EFCAB8: variants seen among roughly 807,000 people sequenced by gnomAD.
EFCAB8 encodes the protein EF-hand calcium-binding domain-containing protein 8.
EFCAB8 carries 100 observed loss-of-function variants against 116.3 expected under a neutral mutation model. That is an observed-to-expected ratio of 0.86 (90% confidence interval 0.73 to 1.02). The LOEUF (loss-of-function observed/expected upper bound fraction) is 1.02, where lower values mean the gene tolerates loss of function less well. Among genes scored for constraint, EFCAB8 ranks in the 50% least tolerant of loss-of-function variants. EFCAB8 has a pLI of 0.00. For synonymous variants in EFCAB8, 558 were observed against 567.9 expected (o/e 0.98, Z 0.25); for missense variants, 1,320 against 1,416.9 (o/e 0.93, Z 1.10).
At chr20:32,869,702 G>A (rs1026202429) in intron 3 of EFCAB8, among the ~76,000 whole-genome samples, 22 of 152,164 alleles carry the variant, frequency 1.4e-4, no homozygotes, top group Admixed American at 1.4e-3. Context: ...CACAGTATGG[G>A]GGCTGCTTAA....
chr20:32,940,827 C>G (rs560541981), intron 22 of EFCAB8, among the ~76,000 whole-genome samples: 1 of 150,060 alleles, frequency 6.7e-6, no homozygotes, highest in Non-Finnish European at 1.5e-5. Context: ...TGGTGAACAT[C>G]ATTAGCTATC....
At chr20:32,953,621 T>C (rs1217431918) in intron 23 of EFCAB8, among the ~76,000 whole-genome samples, 2 of 152,228 alleles carry the variant, frequency 1.3e-5, no homozygotes, top group Non-Finnish European at 2.9e-5. Flanking sequence ...CCATTGTATA[T>C]CATCTTTGGA....
intron 1 of EFCAB8, among the ~76,000 whole-genome samples, chr20:32,861,541 G>A (rs897740954): frequency 2.0e-5 from 3 of 152,004 alleles, no homozygotes; most frequent in East Asian, 1.9e-4. Context: ...CGTCTGCCTC[G>A]GCCTCCCAAA....
At chr20:32,890,154 C>T (rs556172924) in intron 7 of EFCAB8, among the ~76,000 whole-genome samples, 2 of 152,278 alleles carry the variant, frequency 1.3e-5, no homozygotes, top group South Asian at 4.1e-4. Context: ...TCTGTGAGGC[C>T]TTCAGAGGTC....
At chr20:32,890,342 C>T (rs1317800640) in intron 7 of EFCAB8, among the ~76,000 whole-genome samples, 1 of 152,200 alleles carries the variant, frequency 6.6e-6, no homozygotes, top group Non-Finnish European at 1.5e-5. Context: ...AAGTTACTTC[C>T]TCCAGGAAGC....
chr20:32,860,858 C>G (rs1394407870), intron 1 of EFCAB8, among the ~76,000 whole-genome samples: 3 of 151,982 alleles, frequency 2.0e-5, no homozygotes, highest in Admixed American at 2.0e-4. Flanking sequence ...CCCATCTCAC[C>G]CTCTTGAGTA....
intron 3 of EFCAB8, among the ~76,000 whole-genome samples, chr20:32,871,533 C>G (rs1436186704): frequency 2.0e-5 from 3 of 152,040 alleles, no homozygotes; most frequent in African/African-American, 7.3e-5. Context: ...TTACCTCTTG[C>G]TTTTTACTGA....
chr20:32,921,106 A>G (rs190592794), intron 20 of EFCAB8, among the ~76,000 whole-genome samples: 2 of 152,302 alleles, frequency 1.3e-5, no homozygotes, highest in East Asian at 3.9e-4. Context: ...CTTGAGAACA[A>G]GAGGGCAGTG....
At position 32,877,398 on chromosome 20, in the gene EFCAB8, G is replaced by A. The variant is rs186579088; in HGVS notation, c.328-1306G>A. ...TAATTTTTGTATTTTTAGTAGAAACGGGGTTTCACCATGTTGGCCAGGCTG... is the reference window on the plus strand; with the variant it reads ...TAATTTTTGTATTTTTAGTAGAAACAGGGTTTCACCATGTTGGCCAGGCTG... On this transcript the variant is annotated intron_variant, in intron 4 of 26. Coordinates refer to ENST00000400522, the MANE Select transcript of EFCAB8 (RefSeq NM_001143967.2). Among the ~76,000 whole-genome samples the A allele has an allele frequency of 1.8e-3, 278 of 151,706 alleles. 1 individual carries two copies. The highest frequency in any genetic ancestry group is 6.2e-3 in the African/African-American group (256 of 41,426).
chr20:32,920,002 C>T, intron 19 of EFCAB8, 76 bp from the exon 20 acceptor site: 1 of 1,541,842 alleles, frequency 6.5e-7, no homozygotes, highest in East Asian at 2.4e-5. Flanking sequence ...CTTTTATCAT[C>T]TTCCTCTGGT....
intron 22 of EFCAB8, among the ~76,000 whole-genome samples, chr20:32,936,491 A>G (rs994819270): frequency 1.3e-5 from 2 of 152,070 alleles, no homozygotes; most frequent in African/African-American, 4.8e-5. Flanking sequence ...GATTTTTTAT[A>G]CTGTGTGAGA....
chr20:32,873,920 T>TTTTA (rs886118144), intron 3 of EFCAB8, among the ~76,000 whole-genome samples: 9 of 151,964 alleles, frequency 5.9e-5, no homozygotes, highest in African/African-American at 1.7e-4. Context: ...TTCGTTTTTA[T>TTTTA]TTTATTTATT....
At chr20:32,873,553 G>C (rs886147695) in intron 3 of EFCAB8, among the ~76,000 whole-genome samples, 2 of 151,016 alleles carry the variant, frequency 1.3e-5, no homozygotes, top group African/African-American at 2.4e-5. Flanking sequence ...TTTATATTTT[G>C]ATAATTGCTT....
chr20:32,947,635 G>A (rs1988636660), intron 23 of EFCAB8, among the ~76,000 whole-genome samples: 1 of 152,040 alleles, frequency 6.6e-6, no homozygotes, highest in African/African-American at 2.4e-5. Flanking sequence ...AGGGAAATTA[G>A]AAAATATTTT....
chr20:32,900,272 C>T lies in EFCAB8; in HGVS notation c.1088+1649C>T, dbSNP rs1041426657. Among the ~76,000 whole-genome samples the T allele has an allele frequency of 5.9e-5, 9 of 152,256 alleles. No homozygotes were observed. The East Asian group carries it at 7.7e-4, about 13-fold the overall frequency. ...CTCCTCATTTTACAGATGGGAAACC[C>T]GAAGCTTAGGGAGGGGAAGTGACTG... On this transcript the variant is annotated intron_variant, in intron 11 of 26. Coordinates refer to ENST00000400522, the MANE Select transcript of EFCAB8 (RefSeq NM_001143967.2).
intron 11 of EFCAB8, among the ~76,000 whole-genome samples, 181 bp downstream of exon 11, chr20:32,898,804 A>G (rs767647323): frequency 6.6e-6 from 1 of 152,136 alleles, no homozygotes; most frequent in Non-Finnish European, 1.5e-5. Context: ...CTCCCAATCT[A>G]TATGCAAAAC....
chr20:32,934,007 C>A (rs1295332304), intron 22 of EFCAB8, among the ~76,000 whole-genome samples: 1 of 125,526 alleles, frequency 8.0e-6, no homozygotes. Flanking sequence ...CAAAGCAAAT[C>A]AAAAACTTTT....
At chr20:32,911,389 T>G in intron 15 of EFCAB8, 91 bp from the exon 16 acceptor site, 1 of 1,164,102 alleles carries the variant, frequency 8.6e-7, no homozygotes, top group Non-Finnish European at 1.2e-6. Context: ...TCTCAGTGGA[T>G]GGAGGGGAGG....
chr20:32,910,738 CTTTTTTTTTT>C (rs34185318), intron 15 of EFCAB8, among the ~76,000 whole-genome samples: 3 of 107,308 alleles, frequency 2.8e-5, no homozygotes, highest in Non-Finnish European at 5.3e-5. Context: ...TCACTTGCTA[CTTTTTTTTTT>C]TTTTTTTTTT....
Sources: allele counts gnomAD v4.1 joint callset (sites outside exome capture counted in the v4.1 genomes callset), GRCh38; gene constraint gnomAD v4.1.1; transcripts MANE v1.5; gene names NCBI Gene and HGNC (gene_info 2026-07-23, HGNC 2026-07-21).